The following SOD2 variants were observed in gnomAD, a reference collection of about 807,000 sequenced individuals.
SOD2 encodes the protein superoxide dismutase [Mn], mitochondrial.
A neutral mutation model predicts 27.0 loss-of-function variants in SOD2; 11 were observed. That is an observed-to-expected ratio of 0.41 (90% CI 0.26 to 0.67). The LOEUF is 0.67. Among genes scored for constraint, SOD2 ranks in the 30% least tolerant of loss-of-function variants. The pLI is 0.34. For missense variants in SOD2, 250 were observed against 274.5 expected (o/e 0.91, Z 0.63); for synonymous variants, 105 against 103.0 (o/e 1.02, Z -0.12).
chr6:159,747,988 G>T (rs968329865), upstream of SOD2, among the ~76,000 whole-genome samples: 2 of 152,064 alleles, frequency 1.3e-5, no homozygotes, highest in African/African-American at 4.8e-5. Flanking sequence ...GATCAGATCG[G>T]GGTAATTAGC....
intron 1 of SOD2, among the ~76,000 whole-genome samples, chr6:159,721,509 C>T (rs995728466): frequency 1.3e-5 from 2 of 152,136 alleles, no homozygotes; most frequent in Admixed American, 6.6e-5. Flanking sequence ...GCTGGGATTA[C>T]AGGCATGTGC....
rs532262722 is a variant in SOD2 at position 159,751,593 on chromosome 6, T to A, written c.-335-2917A>T. ...TGGAAATCTGGAGCTACAGTAGCAGTGAACAAGAACACCAGCTAATAAAGT... is the reference window on the plus strand; with the variant it reads ...TGGAAATCTGGAGCTACAGTAGCAGAGAACAAGAACACCAGCTAATAAAGT... On this transcript the variant is annotated intron_variant, in intron 1 of 7. Coordinates refer to the SOD2 transcript ENST00000546087. 2.6e-5 allele frequency among the ~76,000 whole-genome samples: 4 copies of A among 152,308 alleles called. No individual in the cohort carries two copies. In the East Asian group the frequency reaches 7.7e-4, roughly 29 times the overall value.
chr6:159,757,670 C>T (rs1373150661), intron 1 of SOD2, among the ~76,000 whole-genome samples: 3 of 152,142 alleles, frequency 2.0e-5, no homozygotes, highest in Non-Finnish European at 4.4e-5. Context: ...CTCGGCCTCC[C>T]AAAGTGCTGG....
upstream of SOD2, among the ~76,000 whole-genome samples, chr6:159,697,020 G>A (rs1170083011): frequency 2.1e-5 from 3 of 141,822 alleles, no homozygotes; most frequent in Admixed American, 7.1e-5. Context: ...GTCTGGGCAA[G>A]AGAAGGAGAC....
chr6:159,716,103 C>G (rs1777917872), intron 1 of SOD2, among the ~76,000 whole-genome samples: 1 of 152,000 alleles, frequency 6.6e-6, no homozygotes, highest in South Asian at 2.1e-4. Flanking sequence ...ACAGAAAAAC[C>G]TAGTTTTGCT....
At chr6:159,753,381 C>A in intron 1 of SOD2, 10 of 1,587,000 alleles carry the variant, frequency 6.3e-6, no homozygotes, top group South Asian at 1.1e-5. Flanking sequence ...GTATGTGTTA[C>A]ATCTATCACT....
At chr6:159,724,198 C>A (rs1396582614) in intron 1 of SOD2, among the ~76,000 whole-genome samples, 2 of 151,486 alleles carry the variant, frequency 1.3e-5, no homozygotes, top group Admixed American at 1.3e-4. Context: ...TGCTATGTTG[C>A]CCAGGCTGGT....
rs576100988 is a variant in SOD2 at position 159,760,071 on chromosome 6, T to C, written c.-336+966A>G. ...GATAAACTAGGAATTACATGGTAAG[T>C]TGAAAGAGGAAGTTAGGGGTAAGAT... On this transcript the variant is annotated intron_variant, in intron 1 of 7. Coordinates refer to the SOD2 transcript ENST00000546087. Among the ~76,000 whole-genome samples, 4 of 152,194 alleles carry C rather than the reference T, an allele frequency of 2.6e-5. No individual in the cohort carries two copies. In the South Asian group the frequency reaches 6.2e-4, roughly 24 times the overall value.
At position 159,682,488 on chromosome 6, in the gene SOD2, G is replaced by A. The variant is rs534777932; in HGVS notation, c.*5C>T. The A allele has an allele frequency of 2.5e-6, 4 of 1,612,710 alleles. No individual in the cohort carries two copies. Among genetic ancestry groups the A allele is most frequent in the Non-Finnish European group, 3.4e-6 (4 of 1,179,320 alleles). On this transcript the variant is annotated 3_prime_UTR_variant, in exon 5 of 5. Transcript: ENST00000538183. Reference sequence around the variant, plus strand: ...GCTTAACATACTCAGCATAACGATCGTGGTTTACTTTTTGCAAGCCATGTA... The same window carrying A: ...GCTTAACATACTCAGCATAACGATCATGGTTTACTTTTTGCAAGCCATGTA...
upstream of SOD2, among the ~76,000 whole-genome samples, chr6:159,732,113 C>T (rs1048428367): frequency 2.0e-5 from 3 of 152,004 alleles, no homozygotes; most frequent in Non-Finnish European, 2.9e-5. Flanking sequence ...TTTCGCATCC[C>T]GTGAATGCTG....
chr6:159,737,739 G>A (rs1028390661), intron 1 of SOD2, among the ~76,000 whole-genome samples: 15 of 152,078 alleles, frequency 9.9e-5, no homozygotes, highest in African/African-American at 3.6e-4. Flanking sequence ...ATATACTCCC[G>A]CCTCAGTCTC....
In SOD2 at chr6:159,681,586, A is replaced by C. The variant is rs1262126322; in HGVS notation, c.*907T>G. ...GTCTTTGAATCCACCATAACCTGTA[A>C]GCCCGCCCCCTGCCTACCCCACTTC... On this transcript the variant is annotated 3_prime_UTR_variant, in exon 5 of 5. Coordinates refer to ENST00000538183, the MANE Select transcript of SOD2 (RefSeq NM_000636.4). 1 of 152,228 alleles carries C rather than the reference A, an allele frequency of 6.6e-6. No individual in the cohort carries two copies. Among genetic ancestry groups the C allele is most frequent in the African/African-American group, 2.4e-5 (1 of 41,428 alleles). The allele number at this position is 152,228 out of a possible 1,614,324, so 9.4% of individuals were successfully genotyped here. A position where few individuals can be genotyped will look rare whatever the true frequency, so the allele number is the denominator to read the frequency against.
At position 159,712,919 on chromosome 6, in the gene SOD2, A is replaced by C. The variant is rs1583040913; in HGVS notation, c.-116+14210T>G. The C allele has an allele frequency of 1.4e-5, 9 of 644,506 alleles. No individual in the cohort carries two copies. In the East Asian group the frequency reaches 2.5e-4, roughly 18 times the overall value. 39.9% of individuals were successfully genotyped at this position (644,506 alleles called of 1,614,324 possible). ...CCCCCTACTTGTTCCTATAGCATTT[A>C]AAAAGGTCTCCCTGTACCTGTGCTG... On this transcript the variant is annotated intron_variant, in intron 1 of 2. Transcript: ENST00000401980.
At position 159,682,656 on chromosome 6, in the gene SOD2, AAAAC is replaced by A; in HGVS notation, c.524-22_524-19del. The A allele has an allele frequency of 1.9e-6, 3 of 1,597,544 alleles. No individual in the cohort carries two copies. The highest frequency in any genetic ancestry group is 1.7e-6 in the Non-Finnish European group (2 of 1,173,886). On this transcript the variant is annotated intron_variant, in intron 4 of 4. Transcript: ENST00000538183. ...AATAAGGCCTGTTAGAAAGAAGGGGAAAACAAACCAACCATCAGTTTCAGTCTAA... is the reference window on the plus strand; with the variant it reads ...AATAAGGCCTGTTAGAAAGAAGGGGAAAACCAACCATCAGTTTCAGTCTAA...
chr6:159,716,309 G>A (rs149511407), intron 1 of SOD2, among the ~76,000 whole-genome samples: 79 of 152,266 alleles, frequency 5.2e-4, no homozygotes, highest in African/African-American at 1.7e-3. Context: ...AGGTCATCCC[G>A]GACCCAGGGA....
chr6:159,723,397 C>T (rs978610498), intron 1 of SOD2, among the ~76,000 whole-genome samples: 1 of 152,176 alleles, frequency 6.6e-6, no homozygotes, highest in Non-Finnish European at 1.5e-5. Context: ...GTTGTTTGTT[C>T]TCCTAACTAC....
chr6:159,688,026 C>CA lies in SOD2; in HGVS notation c.343+99dup, dbSNP rs199973583. Reference sequence around the variant, plus strand: ...AACTCTTGTCTCAAAAAAACAACAACAAAAAAAACAAAAAACAAGTATAAG... The same window carrying CA: ...AACTCTTGTCTCAAAAAAACAACAACAAAAAAAAACAAAAAACAAGTATAAG... On this transcript the variant is annotated intron_variant, in intron 3 of 4. Transcript: ENST00000538183. 7,182 of 755,780 alleles carry CA rather than the reference C, an allele frequency of 9.5e-3. 66 individuals carry two copies. The highest frequency in any genetic ancestry group is 0.045 in the Middle Eastern group (186 of 4,100). The allele number at this position is 755,780 out of a possible 1,614,324, so 46.8% of individuals were successfully genotyped here.
At chr6:159,736,526 T>C in intron 1 of SOD2, 1 of 400,214 alleles carries the variant, frequency 2.5e-6, no homozygotes, top group Non-Finnish European at 4.4e-6. Flanking sequence ...TTAGTTATAA[T>C]AATATTCCCA....
chr6:159,721,282 T>C (rs1035443697), intron 1 of SOD2, among the ~76,000 whole-genome samples: 4 of 152,046 alleles, frequency 2.6e-5, no homozygotes, highest in African/African-American at 9.7e-5. Flanking sequence ...TTAGCCAGGA[T>C]GGTCTCAATC....
Sources: allele counts gnomAD v4.1 joint callset (sites outside exome capture counted in the v4.1 genomes callset), GRCh38; gene constraint gnomAD v4.1.1; transcripts MANE v1.5; gene names NCBI Gene and HGNC (gene_info 2026-07-23, HGNC 2026-07-21).